CCDC77: variants seen among roughly 807,000 people sequenced by gnomAD.
The protein encoded by CCDC77 is coiled-coil domain-containing protein 77.
A neutral mutation model predicts 66.8 loss-of-function variants in CCDC77; 56 were observed. The ratio of observed to expected loss-of-function variants is 0.84; its 90% confidence interval spans 0.68 to 1.05. The LOEUF (loss-of-function observed/expected upper bound fraction) is 1.05. Among genes scored for constraint, CCDC77 ranks in the 50% least tolerant of loss-of-function variants. CCDC77 has a pLI of 0.00. For synonymous variants in CCDC77, 196 were observed against 195.2 expected (o/e 1.00, Z -0.03); for missense variants, 570 against 576.8 (o/e 0.99, Z 0.12).
intron 5 of CCDC77, among the ~76,000 whole-genome samples, chr12:423,494 G>GTTTTTTTTTTTTTTTTTTTTTTTTTT (rs56233976): frequency 2.8e-5 from 1 of 35,412 alleles, no homozygotes; most frequent in Non-Finnish European, 5.2e-5. Context: ...TTTTTGTTTT[G>GTTTTTTTTTTTTTTTTTTTTTTTTTT]TTTTTTTTTT....
At chr12:412,344 T>G (rs957758555) in intron 4 of CCDC77, among the ~76,000 whole-genome samples, 2 of 152,186 alleles carry the variant, frequency 1.3e-5, no homozygotes, top group African/African-American at 4.8e-5. Flanking sequence ...TTTACTTGAG[T>G]AGTAACTGCA....
rs1004803447 is a variant in CCDC77 at position 442,117 on chromosome 12, G to T, written c.*197G>T. 38 of 600,328 alleles carry T rather than the reference G, an allele frequency of 6.3e-5. No individual in the cohort carries two copies. The highest frequency in any genetic ancestry group is 1.1e-4 in the Non-Finnish European group (37 of 345,190). The allele number at this position is 600,328 out of a possible 1,614,324, so 37.2% of individuals were successfully genotyped here. On this transcript the variant is annotated 3_prime_UTR_variant, in exon 13 of 13. Transcript: ENST00000239830. ...CTCAGCTTGCTTTATCATTTTTGCTGTCCTTTTAACACTTGCGAGGAGTAG... is the reference window on the plus strand; with the variant it reads ...CTCAGCTTGCTTTATCATTTTTGCTTTCCTTTTAACACTTGCGAGGAGTAG...
At chr12:409,066 G>A (rs554042928) in intron 2 of CCDC77, among the ~76,000 whole-genome samples, 9 of 152,086 alleles carry the variant, frequency 5.9e-5, no homozygotes, top group Non-Finnish European at 7.4e-5. Flanking sequence ...TTCGCCAGGC[G>A]TAGTGGTGCA....
At chr12:408,886 T>C (rs948257785) in intron 2 of CCDC77, among the ~76,000 whole-genome samples, 6 of 152,162 alleles carry the variant, frequency 3.9e-5, no homozygotes, top group African/African-American at 1.4e-4. Context: ...GGCATGAATT[T>C]CAGGATTTGG....
intron 7 of CCDC77, among the ~76,000 whole-genome samples, chr12:430,984 G>A (rs1374274106): frequency 6.6e-6 from 1 of 150,448 alleles, no homozygotes; most frequent in East Asian, 2.0e-4. Flanking sequence ...GGAGGCTGAG[G>A]CAGGAGGATT....
chr12:390,950 A>C (rs142975653), intron 1 of CCDC77, among the ~76,000 whole-genome samples: 2 of 152,166 alleles, frequency 1.3e-5, no homozygotes, highest in Non-Finnish European at 2.9e-5. Flanking sequence ...TTCTAAGAAG[A>C]TGAGAGTGGA....
At chr12:406,731 G>A (rs1944997904) in intron 2 of CCDC77, among the ~76,000 whole-genome samples, 2 of 152,182 alleles carry the variant, frequency 1.3e-5, no homozygotes. Flanking sequence ...TGGATCACCT[G>A]AGGTCAGGAG....
intron 1 of CCDC77, among the ~76,000 whole-genome samples, chr12:403,304 C>T (rs1944930879): frequency 6.6e-6 from 1 of 152,126 alleles, no homozygotes; most frequent in Non-Finnish European, 1.5e-5. Flanking sequence ...TCCACATTTA[C>T]TGAGTGCTTA....
upstream of CCDC77, chr12:401,453 A>AAG: frequency 6.6e-6 from 1 of 152,382 alleles, no homozygotes; most frequent in Admixed American, 6.5e-5. Context: ...AGCTCCAGGC[A>AAG]GAAGAAAACT....
At chr12:422,420 A>C (rs1945418697) in intron 5 of CCDC77, among the ~76,000 whole-genome samples, 1 of 152,240 alleles carries the variant, frequency 6.6e-6, no homozygotes, top group Non-Finnish European at 1.5e-5. Flanking sequence ...CTCATTCAAC[A>C]GTAACTCCCA....
chr12:400,584 G>GAAGAGAGGGAGA (rs1944882496), upstream of CCDC77, among the ~76,000 whole-genome samples: 1 of 152,206 alleles, frequency 6.6e-6, no homozygotes, highest in South Asian at 2.1e-4. Context: ...AAGGAGGCAA[G>GAAGAGAGGGAGA]AAGAGAGGGA....
At chr12:427,220 G>A (rs760072935) in intron 5 of CCDC77, among the ~76,000 whole-genome samples, 2 of 151,488 alleles carry the variant, frequency 1.3e-5, no homozygotes, top group African/African-American at 4.9e-5. Flanking sequence ...ACTCCAGCCT[G>A]GGCGACAGAG....
chr12:419,453 G>C (rs1374871290), intron 5 of CCDC77, among the ~76,000 whole-genome samples: 1 of 93,716 alleles, frequency 1.1e-5, no homozygotes, highest in Non-Finnish European at 2.3e-5. Flanking sequence ...CTGGGAGTGA[G>C]AGGGTAAAAT....
rs377121573 is a variant in CCDC77, at chr12:418,587, C to T, written c.364C>T (p.Arg122Trp). ...TATGCAGGTCTGCCTCTTCCAGGAA[C>T]GGGAACATGTTTTACGCCTCTACTC... ...SDMQVCLFQEREHVLRLYSEN... is the reference protein window; with the variant it reads ...SDMQVCLFQEWEHVLRLYSEN... Residue 122 changes from arginine to tryptophan, a missense_variant, in exon 5 of 13, where the codon CGG becomes TGG. Physicochemically the swap from Arg to Trp is moderately radical, Grantham distance 101. Coordinates refer to ENST00000239830, the MANE Select transcript of CCDC77 (RefSeq NM_032358.4). 12 of 1,613,932 alleles carry T rather than the reference C, an allele frequency of 7.4e-6. No homozygotes were observed. In the African/African-American group the frequency reaches 8.0e-5, roughly 11 times the overall value.
intron 5 of CCDC77, among the ~76,000 whole-genome samples, chr12:419,212 G>A (rs973279082): frequency 5.3e-5 from 8 of 152,298 alleles, no homozygotes; most frequent in Middle Eastern, 6.8e-3. Context: ...GGAGCACTAA[G>A]GATAGGGTGG....
chr12:397,664 T>G (rs992244366), upstream of CCDC77, among the ~76,000 whole-genome samples: 2 of 152,050 alleles, frequency 1.3e-5, no homozygotes, highest in African/African-American at 4.8e-5. Flanking sequence ...TTTTTTTTTT[T>G]GAGACAGAGT....
chr12:401,429 G>C (rs1347076504), upstream of CCDC77: 1 of 152,244 alleles, frequency 6.6e-6, no homozygotes, highest in South Asian at 2.1e-4. Flanking sequence ...GCCCAGCTGC[G>C]TCGCCCCGCG....
At chr12:436,126 T>C (rs951590383) in intron 9 of CCDC77, among the ~76,000 whole-genome samples, 11 of 147,328 alleles carry the variant, frequency 7.5e-5, no homozygotes, top group Non-Finnish European at 1.5e-4. Context: ...TTTTTTTTTT[T>C]TTTTTTTTTG....
intron 6 of CCDC77, 28 bp from the exon 7 acceptor site, chr12:430,636 A>G (rs561380425): frequency 3.7e-5 from 57 of 1,544,934 alleles, no homozygotes; most frequent in Non-Finnish European, 4.7e-5. Flanking sequence ...TAGGAAGGCT[A>G]CTTCAATACC....
Sources: allele counts gnomAD v4.1 joint callset (sites outside exome capture counted in the v4.1 genomes callset), GRCh38; gene constraint gnomAD v4.1.1; transcripts MANE v1.5; gene names NCBI Gene and HGNC (gene_info 2026-07-23, HGNC 2026-07-21).